Variants in TMLHE observed in about 807,000 individuals in gnomAD.
TMLHE encodes the protein trimethyllysine dioxygenase, mitochondrial.
Under a neutral mutation model 25.7 loss-of-function variants are expected in TMLHE, and 18 were observed. The observed-to-expected ratio is 0.70, with a 90% CI of 0.48 to 1.04. The LOEUF (loss-of-function observed/expected upper bound fraction) is 1.04. Among genes scored for constraint, TMLHE ranks in the 50% least tolerant of loss-of-function variants. The probability of loss-of-function intolerance (pLI) is 0.00; values close to 1 mark genes in which losing one functional copy is unlikely to be tolerated. For synonymous variants in TMLHE, 105 were observed against 97.0 expected (o/e 1.08, Z -0.49); for missense variants, 236 against 259.0 (o/e 0.91, Z 0.61).
chrX:155,596,809 T>C (rs1405043486), intron 1 of TMLHE, among the ~76,000 whole-genome samples: 1 of 111,851 alleles, frequency 8.9e-6, no homozygotes, highest in Non-Finnish European at 1.9e-5. Context: ...TGACAGTGAC[T>C]ATACTCAGGA....
intron 6 of TMLHE, among the ~76,000 whole-genome samples, chrX:155,504,688 C>A (rs781886183): frequency 2.7e-5 from 3 of 111,118 alleles, no homozygotes; most frequent in South Asian, 3.7e-4. Flanking sequence ...TAGGTATTTA[C>A]CTTAGTGAAA....
At position 155,549,206 on chromosome X, in the gene TMLHE, T is replaced by C. The variant is rs188827033; in HGVS notation, c.-1-3929A>G. 3.4e-4 allele frequency among the ~76,000 whole-genome samples: 38 copies of C among 111,179 alleles called. 1 individual carries two copies. Among genetic ancestry groups the C allele is most frequent in the African/African-American group, 1.1e-3 (34 of 30,194 alleles). On this transcript the variant is annotated intron_variant, in intron 1 of 7. Coordinates refer to ENST00000334398, the MANE Select transcript of TMLHE (RefSeq NM_018196.4). Reference sequence around the variant, plus strand: ...TATGAATAGAGTTCTACATCTTCTTTTGCAAACTTTATACCTTTTGTTTGT... The same window carrying C: ...TATGAATAGAGTTCTACATCTTCTTCTGCAAACTTTATACCTTTTGTTTGT...
intron 5 of TMLHE, among the ~76,000 whole-genome samples, chrX:155,508,635 A>G (rs1557333004): frequency 9.0e-6 from 1 of 111,214 alleles, no homozygotes; most frequent in Non-Finnish European, 1.9e-5. Context: ...ATGGTCAGAT[A>G]TATAGGAAGA....
intron 2 of TMLHE, among the ~76,000 whole-genome samples, chrX:155,544,396 C>G (rs782259252): frequency 3.6e-5 from 4 of 111,504 alleles, no homozygotes; most frequent in African/African-American, 1.3e-4. Flanking sequence ...GAGAAGAAGG[C>G]CATGTGAATA....
chrX:155,554,874 C>CT (rs782345207), intron 1 of TMLHE, among the ~76,000 whole-genome samples: 95 of 104,868 alleles, frequency 9.1e-4, no homozygotes, highest in South Asian at 1.3e-3. Context: ...CTGGTCTCTT[C>CT]TTTTTTTTTT....
In TMLHE at chrX:155,548,530, ATG is replaced by A. The variant is rs1491400752; in HGVS notation, c.-1-3255_-1-3254del. On this transcript the variant is annotated intron_variant, in intron 1 of 7. Coordinates refer to ENST00000334398, the MANE Select transcript of TMLHE (RefSeq NM_018196.4). The stretch of plus-strand genomic sequence containing the variant: ...GCGGGCGGATCACAAGGTCAGCAGT[ATG>A]AGGCCAGCCTGACTAACATGGTGAA... Among the ~76,000 whole-genome samples, 5 of 107,994 alleles carry A rather than the reference ATG, an allele frequency of 4.6e-5. 1 individual carries two copies. Among genetic ancestry groups the A allele is most frequent in the African/African-American group, 1.1e-4 (3 of 28,081 alleles). The allele number at this position is 107,994 out of a possible 115,157, so 93.8% of individuals were successfully genotyped here. A position where few individuals can be genotyped will look rare whatever the true frequency, so the allele number is the denominator to read the frequency against.
intron 4 of TMLHE, among the ~76,000 whole-genome samples, chrX:155,512,234 G>A (rs1352036012): frequency 4.3e-4 from 47 of 109,367 alleles, no homozygotes; most frequent in Admixed American, 3.5e-3. Context: ...TGTTACATAT[G>A]TATACATGTG....
Position 155,521,843 on chromosome X carries a change from G to T in TMLHE, c.358+2613C>A, listed in dbSNP as rs781794273. 3.7e-5 allele frequency among the ~76,000 whole-genome samples: 3 copies of T among 81,366 alleles called. No individual in the cohort carries two copies. In the East Asian group the frequency reaches 1.2e-3, roughly 33 times the overall value. The allele number at this position is 81,366 out of a possible 115,157, so 70.7% of individuals were successfully genotyped here. The stretch of plus-strand genomic sequence containing the variant: ...GAAAGGGAACTCCCTGACCCCTTGC[G>T]CTTCCCAGGTGAGGCAATGCCTCGC... On this transcript the variant is annotated intron_variant, in intron 3 of 7. Transcript: ENST00000334398.
chrX:155,568,357 C>T (rs1557342384), intron 1 of TMLHE, among the ~76,000 whole-genome samples: 1 of 61,859 alleles, frequency 1.6e-5, no homozygotes, highest in East Asian at 7.2e-4. Flanking sequence ...GTGGAGCCCA[C>T]CACAGTTCAA....
chrX:155,608,758 C>T (rs1170472321), intron 1 of TMLHE, among the ~76,000 whole-genome samples: 1 of 112,230 alleles, frequency 8.9e-6, no homozygotes, highest in Non-Finnish European at 1.9e-5. Flanking sequence ...TGAACAGACA[C>T]TTTTCAAAAG....
At chrX:155,611,696 G>C (rs1557348368) in intron 1 of TMLHE, 1 of 111,251 alleles carries the variant, frequency 9.0e-6, no homozygotes, top group East Asian at 2.8e-4. Flanking sequence ...CTTACTTAAC[G>C]TCTTCTGGTT....
rs147799874 is a variant in TMLHE at position 155,574,537 on chromosome X, C to T, written c.-1-29260G>A. Among the ~76,000 whole-genome samples, 31 of 112,089 alleles carry T rather than the reference C, an allele frequency of 2.8e-4. No individual in the cohort carries two copies. In the East Asian group the frequency reaches 7.5e-3, roughly 27 times the overall value. On this transcript the variant is annotated intron_variant, in intron 1 of 7. Coordinates refer to ENST00000334398, the MANE Select transcript of TMLHE (RefSeq NM_018196.4). The stretch of plus-strand genomic sequence containing the variant: ...GATACAGAGGTAATATTGTCTAAAA[C>T]GTCCAGTTTTCCTTAAAAAATATTA...
intron 1 of TMLHE, among the ~76,000 whole-genome samples, chrX:155,597,168 G>A (rs1557346642): frequency 2.8e-5 from 3 of 107,763 alleles, no homozygotes; most frequent in African/African-American, 1.0e-4. Flanking sequence ...TGAGAATGAT[G>A]GTTTCCAGCT....
chrX:155,546,960 TG>T (rs1306454175), intron 1 of TMLHE, among the ~76,000 whole-genome samples: 1 of 110,933 alleles, frequency 9.0e-6, no homozygotes, highest in Non-Finnish European at 1.9e-5. Context: ...ATTTCTTCTT[TG>T]TAGTCTATGA....
intron 2 of TMLHE, among the ~76,000 whole-genome samples, chrX:155,525,488 C>A (rs2067214278): frequency 8.9e-6 from 1 of 111,877 alleles, no homozygotes; most frequent in South Asian, 3.7e-4. Context: ...TGAGAACAAA[C>A]AAACACAGAA....
intron 2 of TMLHE, among the ~76,000 whole-genome samples, chrX:155,527,305 TC>T (rs1170013184): frequency 9.0e-6 from 1 of 111,650 alleles, no homozygotes; most frequent in African/African-American, 3.3e-5. Flanking sequence ...GTGTAGCACT[TC>T]CCCCTTTGCT....
intron 1 of TMLHE, among the ~76,000 whole-genome samples, chrX:155,558,942 G>A (rs1339594623): frequency 9.0e-6 from 1 of 111,428 alleles, no homozygotes; most frequent in Non-Finnish European, 1.9e-5. Context: ...TGTGTTGAAT[G>A]GCTTTGTTGA....
chrX:155,560,196 CT>C (rs2067485863), intron 1 of TMLHE, among the ~76,000 whole-genome samples: 1 of 111,924 alleles, frequency 8.9e-6, no homozygotes, highest in South Asian at 3.7e-4. Context: ...ACTGCCTTCT[CT>C]GCTTACCATG....
At chrX:155,569,006 A>C (rs1341283110) in intron 1 of TMLHE, among the ~76,000 whole-genome samples, 1 of 59,991 alleles carries the variant, frequency 1.7e-5, no homozygotes, top group South Asian at 9.7e-4. Context: ...ACGAGTTGAG[A>C]GAAGAAGGCT....
Sources: gnomAD v4.1 joint callset for allele counts (sites outside exome capture counted in the v4.1 genomes callset) on GRCh38, gnomAD v4.1.1 for gene constraint, MANE v1.5 for transcripts, NCBI Gene and HGNC (gene_info 2026-07-23, HGNC 2026-07-21) for gene names.